C16orf96: variants seen among roughly 807,000 people sequenced by gnomAD.
The protein encoded by C16orf96 is uncharacterized protein C16orf96.
A neutral mutation model predicts 103.6 loss-of-function variants in C16orf96; 108 were observed. The ratio of observed to expected loss-of-function variants is 1.04; its 90% confidence interval spans 0.89 to 1.22. C16orf96 has a LOEUF of 1.22. C16orf96 is among the 50% of genes most tolerant of loss of function. The pLI, the probability that C16orf96 is intolerant of heterozygous loss-of-function variation, is 0.00. For missense variants in C16orf96, 1,586 were observed against 1,464.2 expected, an observed-to-expected ratio of 1.08 and a Z score of -1.36; for synonymous variants, 566 against 593.5, an observed-to-expected ratio of 0.95 and a Z score of 0.67.
chr16:4,576,854 G>T (rs1325847802), intron 5 of C16orf96, among the ~76,000 whole-genome samples: 1 of 152,184 alleles, frequency 6.6e-6, no homozygotes, highest in Non-Finnish European at 1.5e-5. Flanking sequence ...GGCTGTTAGG[G>T]TCTAAAGTTG....
At chr16:4,560,904 A>T (rs1396261492) in intron 1 of C16orf96, 1 of 152,208 alleles carries the variant, frequency 6.6e-6, no homozygotes, top group Non-Finnish European at 1.5e-5. Context: ...CTATAATCCC[A>T]ACACTTTGGG....
In C16orf96 at chr16:4,576,276, C is replaced by G. The variant is rs1175960161; in HGVS notation, c.1796C>G (p.Ala599Gly). 1.2e-5 allele frequency: 18 copies of G among 1,550,750 alleles called. No homozygotes were observed. The highest frequency in any genetic ancestry group is 1.6e-5 in the Non-Finnish European group (18 of 1,146,996). The change falls in exon 5 of 16, where the codon GCC (alanine) becomes GGC (glycine). Residue 599 changes from alanine (A) to glycine (G), a missense_variant. Coordinates refer to ENST00000444310, the MANE Select transcript of C16orf96 (RefSeq NM_001145011.2). ...AKVAAKFVKDAPATKMAAIAT... is the reference protein window; with the variant it reads ...AKVAAKFVKDGPATKMAAIAT... ...GTTGCTGCCAAGTTTGTCAAGGATG[C>G]CCCAGCCACCAAAATGGCCGCCATT... is the stretch of plus-strand genomic sequence containing the variant.
At chr16:4,550,006 C>T in the C16orf96 span, among the ~76,000 whole-genome samples, 1 of 152,022 alleles carries the variant, frequency 6.6e-6, no homozygotes, top group Non-Finnish European at 1.5e-5. Context: ...TCTTTTATAG[C>T]AATGCAAATG....
At chr16:4,569,501 C>G (rs975571180) in intron 1 of C16orf96, among the ~76,000 whole-genome samples, 4 of 151,822 alleles carry the variant, frequency 2.6e-5, no homozygotes, top group African/African-American at 9.7e-5. Context: ...GCCTGTAATC[C>G]CAGCACTCTG....
chr16:4,592,827 G>C (rs1249405715), intron 11 of C16orf96, among the ~76,000 whole-genome samples: 1 of 152,046 alleles, frequency 6.6e-6, no homozygotes, highest in Non-Finnish European at 1.5e-5. Flanking sequence ...TTGTGCCACT[G>C]CTCTCCAGCC....
chr16:4,592,270 G>A, intron 10 of C16orf96, 35 bp from the exon 11 acceptor site: 1 of 1,551,004 alleles, frequency 6.4e-7, no homozygotes. Flanking sequence ...CCTGGGCCCA[G>A]CAGGGGCAGC....
upstream of C16orf96, among the ~76,000 whole-genome samples, chr16:4,552,071 G>A (rs910962343): frequency 3.3e-5 from 5 of 152,138 alleles, no homozygotes; most frequent in Admixed American, 6.6e-5. Context: ...CTTCATCCAC[G>A]TCCTTGCAAA....
Position 4,576,549 on chromosome 16 carries a change from T to G in C16orf96, c.2069T>G (p.Ile690Arg). The G allele has an allele frequency of 6.4e-7, 1 of 1,551,550 alleles. No individual in the cohort carries two copies. Among genetic ancestry groups the G allele is most frequent in the East Asian group, 2.4e-5 (1 of 40,922 alleles). ...GCTGTCAAGTATTCCATGAGCCACA[T>G]AGCCCAGATACCTGTCAAACACGAC... ...KRAVKYSMSH[I>R]AQIPVKHDSL... The change falls in exon 5 of 16, where the codon ATA becomes AGA. Residue 690 changes from isoleucine to arginine, a missense_variant. Ile to Arg is a moderately conservative substitution (Grantham distance 97). Coordinates refer to ENST00000444310, the MANE Select transcript of C16orf96 (RefSeq NM_001145011.2).
At chr16:4,582,887 G>A (rs948602530) in intron 7 of C16orf96, among the ~76,000 whole-genome samples, 4 of 152,158 alleles carry the variant, frequency 2.6e-5, no homozygotes, top group Admixed American at 2.0e-4. Flanking sequence ...CCAAAACAGA[G>A]CACATCCCTT....
the C16orf96 span, among the ~76,000 whole-genome samples, chr16:4,539,401 G>C: frequency 6.6e-6 from 1 of 152,288 alleles, no homozygotes; most frequent in African/African-American, 2.4e-5. Context: ...TTATAGTTTA[G>C]GGCCCAGCTC....
intron 14 of C16orf96, among the ~76,000 whole-genome samples, chr16:4,596,846 G>T (rs756961008): frequency 6.6e-6 from 1 of 152,194 alleles, no homozygotes; most frequent in Non-Finnish European, 1.5e-5. Flanking sequence ...CTTGAGGAGG[G>T]TCCCTCCCTG....
the C16orf96 span, among the ~76,000 whole-genome samples, chr16:4,549,020 C>T: frequency 8.3e-4 from 127 of 152,138 alleles, no homozygotes; most frequent in African/African-American, 3.0e-3. Flanking sequence ...TTACAGAGAC[C>T]GAGGGGTGAT....
intron 7 of C16orf96, among the ~76,000 whole-genome samples, chr16:4,581,862 G>A (rs2059592765): frequency 6.6e-6 from 1 of 152,040 alleles, no homozygotes; most frequent in Admixed American, 6.6e-5. Flanking sequence ...AGGCTGAGGT[G>A]GGAGGATTGC....
chr16:4,551,231 C>T, the C16orf96 span, among the ~76,000 whole-genome samples: 1 of 152,222 alleles, frequency 6.6e-6, no homozygotes, highest in East Asian at 1.9e-4. Context: ...GATCGCACCA[C>T]TGCACTCCAG....
At position 4,574,790 on chromosome 16, in the gene C16orf96, G is replaced by A. The variant is rs1348135966; in HGVS notation, c.606+1G>A. On this transcript the variant is annotated splice_donor_variant, in intron 3 of 15. Transcript: ENST00000444310. LOFTEE classifies it high-confidence loss of function. ...GATGGTTGCACTGCAGCGGGAAGTG[G>A]TGAGGGCCACCATCCCTGTCTTCCC... The A allele has an allele frequency of 2.6e-6, 4 of 1,551,416 alleles. No individual in the cohort carries two copies. The highest frequency in any genetic ancestry group is 8.7e-7 in the Non-Finnish European group (1 of 1,146,932).
intron 1 of C16orf96, among the ~76,000 whole-genome samples, chr16:4,570,987 G>C (rs2059431949): frequency 6.6e-6 from 1 of 151,988 alleles, no homozygotes; most frequent in Non-Finnish European, 1.5e-5. Context: ...TGAGCAACGT[G>C]GTGAAACCCC....
At chr16:4,583,928 A>T in intron 7 of C16orf96, among the ~76,000 whole-genome samples, 1 of 15,090 alleles carries the variant, frequency 6.6e-5, no homozygotes, top group East Asian at 4.8e-3. Flanking sequence ...GTATCTCAAA[A>T]AAAAAAAAAA....
chr16:4,556,500 C>CA lies in C16orf96; in HGVS notation c.12dup (p.Leu5ThrfsTer46). The CA allele has an allele frequency of 6.5e-7, 1 of 1,528,110 alleles. No homozygotes were observed. 94.7% of individuals were successfully genotyped at this position (1,528,110 alleles called of 1,614,324 possible). A position where few individuals can be genotyped will look rare whatever the true frequency, so the allele number is the denominator to read the frequency against. On this transcript the variant is annotated frameshift_variant, in exon 1 of 16. Coordinates refer to ENST00000444310, the MANE Select transcript of C16orf96 (RefSeq NM_001145011.2). LOFTEE classifies it high-confidence loss of function. ...ACCCACCCTGGCAGGATGAGCTTCT[C>CA]ACTCACGTTCACCGAGCTGGCCAAC... is the stretch of plus-strand genomic sequence containing the variant.
chr16:4,545,556 C>CA, the C16orf96 span, among the ~76,000 whole-genome samples: 12 of 152,104 alleles, frequency 7.9e-5, no homozygotes, highest in African/African-American at 2.7e-4. Flanking sequence ...CATATCTGTC[C>CA]AAATTTCACA....
Sources: gnomAD v4.1 joint callset for allele counts (sites outside exome capture counted in the v4.1 genomes callset) on GRCh38, gnomAD v4.1.1 for gene constraint, MANE v1.5 for transcripts, NCBI Gene and HGNC (gene_info 2026-07-23, HGNC 2026-07-21) for gene names.